The following SLC25A33 variants were observed in gnomAD, a reference collection of about 807,000 sequenced individuals.
SLC25A33 encodes bone marrow stromal cell mitochondrial carrier protein.
Under a neutral mutation model 35.5 loss-of-function variants are expected in SLC25A33, and 15 were observed. The ratio of observed to expected loss-of-function variants is 0.42; its 90% confidence interval spans 0.28 to 0.65. The LOEUF is 0.65. Ranked by LOEUF, SLC25A33 falls within the 30% of genes least tolerant of loss-of-function variation. The pLI is 0.20. For synonymous variants in SLC25A33, 136 were observed against 148.7 expected (o/e 0.91, Z 0.62); for missense variants, 257 against 398.5 (o/e 0.64, Z 3.02).
Position 9,570,253 on chromosome 1 carries a change from A to AT in SLC25A33, c.315-5_315-4insT. 1 of 1,612,126 alleles carries AT rather than the reference A, an allele frequency of 6.2e-7. No individual in the cohort carries two copies. The highest frequency in any genetic ancestry group is 1.7e-5 in the Admixed American group (1 of 59,866). On this transcript the variant is annotated splice_region_variant and splice_polypyrimidine_tract_variant and intron_variant, in intron 3 of 6. Coordinates refer to ENST00000302692, the MANE Select transcript of SLC25A33 (RefSeq NM_032315.3). Reference sequence around the variant, plus strand: ...TTCTTTATAATGTTCTCTTTGTTCTAACAGGGCTGTATACTTTGCATGTTA... The same window carrying AT: ...TTCTTTATAATGTTCTCTTTGTTCTATACAGGGCTGTATACTTTGCATGTTA...
In SLC25A33 at chr1:9,539,565, G is replaced by C. The variant is rs1358323222; in HGVS notation, c.-127G>C. 2.2e-5 allele frequency: 14 copies of C among 628,962 alleles called. No individual in the cohort carries two copies. Among genetic ancestry groups the C allele is most frequent in the Non-Finnish European group, 3.1e-5 (14 of 454,100 alleles). The allele number at this position is 628,962 out of a possible 1,614,324, so 39.0% of individuals were successfully genotyped here. ...GAGCCGGGCGTTGGAGCCCGCGCGCGCATGGAGGCGTTGCCGGCAGCCCCC... is the reference window on the plus strand; with the variant it reads ...GAGCCGGGCGTTGGAGCCCGCGCGCCCATGGAGGCGTTGCCGGCAGCCCCC... On this transcript the variant is annotated 5_prime_UTR_variant, in exon 1 of 7. Coordinates refer to ENST00000302692, the MANE Select transcript of SLC25A33 (RefSeq NM_032315.3).
intron 1 of SLC25A33, 150 bp downstream of exon 1, chr1:9,539,897 A>T: frequency 1.5e-6 from 1 of 684,514 alleles, no homozygotes; most frequent in South Asian, 6.0e-5. Context: ...GGCGTCGGGG[A>T]CTGGTGGGCA....
intron 2 of SLC25A33, among the ~76,000 whole-genome samples, chr1:9,554,263 A>C (rs973844994): frequency 6.6e-6 from 1 of 152,224 alleles, no homozygotes; most frequent in Non-Finnish European, 1.5e-5. Context: ...GGCTCGCTGC[A>C]GGTGATCTGC....
intron 2 of SLC25A33, among the ~76,000 whole-genome samples, chr1:9,555,956 A>C (rs1643336609): frequency 6.6e-6 from 1 of 152,172 alleles, no homozygotes; most frequent in South Asian, 2.1e-4. Flanking sequence ...AAGTACTGGG[A>C]TTATGGGCAT....
At chr1:9,564,158 G>C (rs1340253599) in intron 2 of SLC25A33, among the ~76,000 whole-genome samples, 1 of 152,128 alleles carries the variant, frequency 6.6e-6, no homozygotes, top group East Asian at 1.9e-4. Context: ...TTTAACCAAC[G>C]TGAATAACTG....
intron 5 of SLC25A33, among the ~76,000 whole-genome samples, chr1:9,577,575 G>A (rs1277926018): frequency 4.6e-5 from 7 of 152,130 alleles, no homozygotes; most frequent in Non-Finnish European, 8.8e-5. Context: ...GTGCATCTGC[G>A]CTGGAGAAGG....
intron 4 of SLC25A33, 98 bp downstream of exon 4, chr1:9,570,456 T>TCA: frequency 9.8e-7 from 1 of 1,025,542 alleles, no homozygotes; most frequent in Non-Finnish European, 1.5e-6. Context: ...AGCTCCTTGC[T>TCA]TCCTTTGCAC....
At chr1:9,542,596 T>C (rs931266609) in intron 1 of SLC25A33, among the ~76,000 whole-genome samples, 4 of 152,194 alleles carry the variant, frequency 2.6e-5, no homozygotes, top group Admixed American at 1.3e-4. Context: ...CGGTGGAATA[T>C]GTGCTGCCTT....
chr1:9,540,022 G>T (rs1643053419), intron 1 of SLC25A33, among the ~76,000 whole-genome samples: 1 of 152,066 alleles, frequency 6.6e-6, no homozygotes, highest in African/African-American at 2.4e-5. Context: ...TCCCCATTCT[G>T]AAGAGTCAGT....
intron 2 of SLC25A33, among the ~76,000 whole-genome samples, chr1:9,558,734 C>T (rs1053535779): frequency 6.6e-6 from 1 of 152,192 alleles, no homozygotes; most frequent in Admixed American, 6.5e-5. Context: ...CTACTTCCTC[C>T]ACCACTGTCC....
chr1:9,567,248 A>G (rs1001167681), intron 2 of SLC25A33, 36 bp from the exon 3 acceptor site: 11 of 1,568,246 alleles, frequency 7.0e-6, no homozygotes, highest in Admixed American at 1.7e-5. Flanking sequence ...GCCTTGCCTG[A>G]GGGGTTTTAA....
At chr1:9,579,924 T>A in intron 5 of SLC25A33, 30 bp from the exon 6 acceptor site, 1 of 1,596,286 alleles carries the variant, frequency 6.3e-7, no homozygotes, top group Non-Finnish European at 8.5e-7. Context: ...TATGTCTCCT[T>A]AACAGCCTGT....
intron 1 of SLC25A33, among the ~76,000 whole-genome samples, chr1:9,545,915 A>G (rs1477932294): frequency 1.3e-5 from 2 of 150,956 alleles, no homozygotes; most frequent in Non-Finnish European, 2.9e-5. Context: ...GTGAGCCGAG[A>G]TCGCGCCACT....
At chr1:9,570,952 A>G (rs143069789) in intron 4 of SLC25A33, among the ~76,000 whole-genome samples, 1 of 152,014 alleles carries the variant, frequency 6.6e-6, no homozygotes, top group African/African-American at 2.4e-5. Flanking sequence ...ACCTCAAGTG[A>G]TCCACCCTCC....
chr1:9,574,486 C>T (rs560493994), intron 5 of SLC25A33, among the ~76,000 whole-genome samples: 2 of 152,336 alleles, frequency 1.3e-5, no homozygotes, highest in Middle Eastern at 6.8e-3. Flanking sequence ...CCAGTAACTA[C>T]TATAATTTCT....
intron 4 of SLC25A33, among the ~76,000 whole-genome samples, chr1:9,571,286 G>C (rs780493655): frequency 6.6e-6 from 1 of 151,626 alleles, no homozygotes; most frequent in Non-Finnish European, 1.5e-5. Context: ...TCTGAGAGAA[G>C]GGAAGGCTTT....
At chr1:9,563,693 G>A (rs960389220) in intron 2 of SLC25A33, among the ~76,000 whole-genome samples, 1 of 152,068 alleles carries the variant, frequency 6.6e-6, no homozygotes, top group Non-Finnish European at 1.5e-5. Flanking sequence ...TATAATGAAA[G>A]TAAAACATTC....
intron 1 of SLC25A33, among the ~76,000 whole-genome samples, chr1:9,539,951 ACCGCAGCCCCGAGGGCGGCTGTGCC>A (rs939189224): frequency 6.6e-6 from 1 of 151,928 alleles, no homozygotes; most frequent in African/African-American, 2.4e-5. Flanking sequence ...CTACGTCCTG[ACCGCAGCCCCGAGGGCGGCTGTGCC>A]CCGCCGCCCG....
intron 2 of SLC25A33, among the ~76,000 whole-genome samples, chr1:9,566,794 C>T (rs1040319612): frequency 9.9e-5 from 15 of 152,004 alleles, no homozygotes; most frequent in African/African-American, 3.4e-4. Flanking sequence ...TGCAGTGAGC[C>T]GAGATCACGC....
Sources: gnomAD v4.1 joint callset for allele counts (sites outside exome capture counted in the v4.1 genomes callset) on GRCh38, gnomAD v4.1.1 for gene constraint, MANE v1.5 for transcripts, NCBI Gene and HGNC (gene_info 2026-07-23, HGNC 2026-07-21) for gene names.